Variants in SEC22A observed in about 807,000 individuals in gnomAD.
SEC22A encodes the protein vesicle-trafficking protein SEC22a.
A neutral mutation model predicts 35.3 loss-of-function variants in SEC22A; 22 were observed. The observed-to-expected ratio is 0.62, with a 90% confidence interval of 0.45 to 0.89. The LOEUF (loss-of-function observed/expected upper bound fraction) is 0.89. SEC22A is among the 40% of genes least tolerant of loss of function. The pLI is 0.00. For synonymous variants in SEC22A, 119 were observed against 129.5 expected (o/e 0.92, Z 0.55); for missense variants, 354 against 362.5 (o/e 0.98, Z 0.19).
At chr3:123,250,936 A>G (rs766926045) in intron 5 of SEC22A, among the ~76,000 whole-genome samples, 1 of 152,228 alleles carries the variant, frequency 6.6e-6, no homozygotes, top group Non-Finnish European at 1.5e-5. Flanking sequence ...GTATATATTT[A>G]TGTGTATCTT....
chr3:123,204,032 C>T (rs1344545046), intron 1 of SEC22A, among the ~76,000 whole-genome samples: 1 of 152,264 alleles, frequency 6.6e-6, no homozygotes, highest in South Asian at 2.1e-4. Flanking sequence ...CCCACTCTAT[C>T]CCCCACCCTC....
At position 123,244,969 on chromosome 3, in the gene SEC22A, AG is replaced by A. The variant is rs1281860694; in HGVS notation, c.542-927del. On this transcript the variant is annotated intron_variant, in intron 4 of 6. Transcript: ENST00000492595. ...TGTGCTGCTGCAGCCCTGGAAGATA[AG>A]GGAATGTATTTATGAAACTAAAATG... is the stretch of plus-strand genomic sequence containing the variant. Among the ~76,000 whole-genome samples the A allele has an allele frequency of 6.6e-5, 10 of 152,208 alleles. No homozygotes were observed. The East Asian group carries it at 1.9e-3, about 29-fold the overall frequency.
At chr3:123,204,242 T>G (rs1265658134) in intron 1 of SEC22A, among the ~76,000 whole-genome samples, 7 of 152,198 alleles carry the variant, frequency 4.6e-5, no homozygotes, top group Non-Finnish European at 8.8e-5. Context: ...AAAACTGATT[T>G]CACAGATATT....
chr3:123,214,009 C>A (rs914533735), intron 2 of SEC22A, among the ~76,000 whole-genome samples: 1 of 151,692 alleles, frequency 6.6e-6, no homozygotes, highest in African/African-American at 2.4e-5. Flanking sequence ...CATGGTGAAA[C>A]CCTGTCTCTA....
intron 6 of SEC22A, among the ~76,000 whole-genome samples, chr3:123,271,181 C>T (rs1164537399): frequency 6.6e-6 from 1 of 152,152 alleles, no homozygotes; most frequent in Non-Finnish European, 1.5e-5. Flanking sequence ...AATGGAACAC[C>T]CGCAGACCCT....
chr3:123,253,100 C>T (rs973681239), intron 5 of SEC22A, among the ~76,000 whole-genome samples: 1 of 151,968 alleles, frequency 6.6e-6, no homozygotes, highest in Non-Finnish European at 1.5e-5. Flanking sequence ...GCATATGGCA[C>T]ATTAGAAAAA....
rs1417136481 is a variant in SEC22A, at chr3:123,272,986, A to G, written c.*1264A>G. On this transcript the variant is annotated 3_prime_UTR_variant, in exon 7 of 7. Transcript: ENST00000492595. ...TTGTTTAAGCAGTTATGAATTAATA[A>G]TATAGGAAGCACAGTTGGATTCCAC... The G allele has an allele frequency of 6.5e-6, 1 of 153,806 alleles. No individual in the cohort carries two copies. Among genetic ancestry groups the G allele is most frequent in the Non-Finnish European group, 1.5e-5 (1 of 68,054 alleles). The allele number at this position is 153,806 out of a possible 1,614,324, so 9.5% of individuals were successfully genotyped here. A position where few individuals can be genotyped will look rare whatever the true frequency, so the allele number is the denominator to read the frequency against.
intron 4 of SEC22A, among the ~76,000 whole-genome samples, chr3:123,231,973 T>C (rs1472097092): frequency 6.6e-6 from 1 of 152,200 alleles, no homozygotes; most frequent in Non-Finnish European, 1.5e-5. Flanking sequence ...GCACGGTGGC[T>C]CATGCCTGCA....
At chr3:123,202,281 C>T (rs1936763576) in intron 1 of SEC22A, 1 of 152,732 alleles carries the variant, frequency 6.5e-6, no homozygotes, top group African/African-American at 2.4e-5. Flanking sequence ...GTTGGGCAGC[C>T]AGGAAAGGAG....
intron 6 of SEC22A, among the ~76,000 whole-genome samples, chr3:123,263,851 CAATT>C (rs1159135796): frequency 1.3e-5 from 2 of 151,844 alleles, no homozygotes; most frequent in Non-Finnish European, 2.9e-5. Flanking sequence ...GTTGCATAAT[CAATT>C]ATTTGTTGCT....
intron 4 of SEC22A, among the ~76,000 whole-genome samples, chr3:123,229,248 C>T (rs1937269843): frequency 6.6e-6 from 1 of 152,098 alleles, no homozygotes; most frequent in South Asian, 2.1e-4. Flanking sequence ...AGAAAAAGAA[C>T]TTGTCACTTA....
chr3:123,249,912 C>T (rs1237440465), intron 5 of SEC22A, among the ~76,000 whole-genome samples: 2 of 151,878 alleles, frequency 1.3e-5, no homozygotes, highest in Admixed American at 6.6e-5. Flanking sequence ...GGGAACAAAA[C>T]AAAAAAGACC....
At chr3:123,257,591 T>C (rs1209420629) in intron 5 of SEC22A, among the ~76,000 whole-genome samples, 2 of 151,770 alleles carry the variant, frequency 1.3e-5, no homozygotes, top group Non-Finnish European at 2.9e-5. Flanking sequence ...CCCAGCTACT[T>C]GGGAGGCTGA....
At chr3:123,213,642 A>G (rs1936976640) in intron 2 of SEC22A, among the ~76,000 whole-genome samples, 1 of 152,078 alleles carries the variant, frequency 6.6e-6, no homozygotes, top group Non-Finnish European at 1.5e-5. Context: ...TCTCTTTATA[A>G]CAGGGTTGTA....
intron 1 of SEC22A, chr3:123,204,947 C>T (rs555150605): frequency 6.6e-6 from 1 of 152,202 alleles, no homozygotes; most frequent in African/African-American, 2.4e-5. Flanking sequence ...GGGATTTTCC[C>T]AACCACAACC....
intron 2 of SEC22A, among the ~76,000 whole-genome samples, chr3:123,213,034 A>T (rs942113611): frequency 1.3e-5 from 2 of 152,216 alleles, no homozygotes; most frequent in African/African-American, 4.8e-5. Flanking sequence ...AGTGGGATAA[A>T]TCAGCAGAAG....
intron 2 of SEC22A, among the ~76,000 whole-genome samples, chr3:123,210,067 A>C (rs1457101969): frequency 1.3e-5 from 2 of 152,216 alleles, no homozygotes; most frequent in Non-Finnish European, 2.9e-5. Flanking sequence ...GAATGGGGCA[A>C]GTTATGTAGT....
chr3:123,235,007 C>T (rs193012788), intron 4 of SEC22A, among the ~76,000 whole-genome samples: 36 of 147,794 alleles, frequency 2.4e-4, no homozygotes, highest in South Asian at 1.5e-3. Flanking sequence ...TGGGCAACAG[C>T]CAGACCTTGT....
chr3:123,216,255 G>T (rs972852675), intron 2 of SEC22A, among the ~76,000 whole-genome samples: 3 of 152,196 alleles, frequency 2.0e-5, no homozygotes, highest in Non-Finnish European at 4.4e-5. Context: ...TATCTGATCA[G>T]TTATCTAAAA....
Sources: gnomAD v4.1 joint callset for allele counts (sites outside exome capture counted in the v4.1 genomes callset) on GRCh38, gnomAD v4.1.1 for gene constraint, MANE v1.5 for transcripts, NCBI Gene and HGNC (gene_info 2026-07-23, HGNC 2026-07-21) for gene names.